The following DHX57 variants were observed in gnomAD, a reference collection of about 807,000 sequenced individuals.
DHX57 encodes DExH-box helicase 57.
In DHX57, 105 loss-of-function variants were observed where a neutral mutation model predicts 156.2. That is an observed-to-expected ratio of 0.67 (90% CI 0.57 to 0.79). The LOEUF (loss-of-function observed/expected upper bound fraction) is 0.79, where lower values mean the gene tolerates loss of function less well. DHX57 is among the 30% of genes least tolerant of loss of function. DHX57 has a pLI of 0.00. For missense variants in DHX57, 1,847 were observed against 1,661.9 expected (o/e 1.11, Z -1.94); for synonymous variants, 704 against 595.6 (o/e 1.18, Z -2.65).
chr2:38,854,743 G>T, intron 8 of DHX57: 1 of 229,924 alleles, frequency 4.3e-6, no homozygotes. Flanking sequence ...TGTATTTTTA[G>T]TAGAGATGGG....
At chr2:38,808,614 T>C (rs1157311943) in intron 21 of DHX57, among the ~76,000 whole-genome samples, 2 of 152,174 alleles carry the variant, frequency 1.3e-5, no homozygotes, top group African/African-American at 2.4e-5. Context: ...TATCTTTGTG[T>C]ATATATGCAA....
intron 1 of DHX57, among the ~76,000 whole-genome samples, chr2:38,872,137 T>C (rs1195266465): frequency 6.6e-6 from 1 of 152,202 alleles, no homozygotes; most frequent in Non-Finnish European, 1.5e-5. Context: ...GCATTGGAAA[T>C]TAAATGTCTA....
In DHX57 at chr2:38,809,297, A is replaced by AT. The variant is rs574489687; in HGVS notation, c.3682-2605dup. Among the ~76,000 whole-genome samples, 31 of 150,414 alleles carry AT rather than the reference A, an allele frequency of 2.1e-4. No individual in the cohort carries two copies. The East Asian group carries it at 5.3e-3, about 26-fold the overall frequency. On this transcript the variant is annotated intron_variant, in intron 21 of 23. Transcript: ENST00000457308. ...ACCGTGCCTGGCTAATTAAAAACAAATTTTTTTTGTAGAGACAAGTTCTCA... is the reference window on the plus strand; with the variant it reads ...ACCGTGCCTGGCTAATTAAAAACAAATTTTTTTTTGTAGAGACAAGTTCTCA...
intron 1 of DHX57, 144 bp from the exon 2 acceptor site, chr2:38,868,555 C>G: frequency 1.1e-6 from 1 of 886,032 alleles, no homozygotes; most frequent in Non-Finnish European, 1.7e-6. Context: ...GGGCAGGATT[C>G]TGAATCTGTT....
chr2:38,873,599 T>G (rs1449921850), intron 1 of DHX57, among the ~76,000 whole-genome samples: 2 of 152,258 alleles, frequency 1.3e-5, no homozygotes, highest in African/African-American at 4.8e-5. Context: ...AGTATCTATT[T>G]GTGGAATGAA....
At chr2:38,867,432 G>C (rs1432998859) in intron 2 of DHX57, among the ~76,000 whole-genome samples, 3 of 152,192 alleles carry the variant, frequency 2.0e-5, no homozygotes, top group African/African-American at 7.2e-5. Flanking sequence ...GAACAGGAGA[G>C]AAACCTAGAT....
At chr2:38,830,221 T>C (rs1220296514) in intron 13 of DHX57, among the ~76,000 whole-genome samples, 6 of 152,222 alleles carry the variant, frequency 3.9e-5, no homozygotes, top group Admixed American at 3.3e-4. Flanking sequence ...ACCACAAAAC[T>C]GGAACTCTGA....
At chr2:38,808,153 C>T (rs182431516) in intron 21 of DHX57, among the ~76,000 whole-genome samples, 3,264 of 150,252 alleles carry the variant, frequency 0.022, 43 homozygotes, top group Middle Eastern at 0.035. Context: ...CAGGGTTTCA[C>T]CATGTTGGTC....
At chr2:38,839,590 G>A (rs1558383587) in intron 12 of DHX57, among the ~76,000 whole-genome samples, 1 of 151,606 alleles carries the variant, frequency 6.6e-6, no homozygotes, top group African/African-American at 2.4e-5. Flanking sequence ...GCATGGTGGT[G>A]GGTGCCTGTA....
chr2:38,847,855 G>A lies in DHX57; in HGVS notation c.2164+414C>T, dbSNP rs1341958407. Among the ~76,000 whole-genome samples the A allele has an allele frequency of 2.4e-4, 37 of 151,948 alleles. 1 individual carries two copies. Among genetic ancestry groups the A allele is most frequent in the Admixed American group, 2.2e-3 (34 of 15,248 alleles). On this transcript the variant is annotated intron_variant, in intron 10 of 23. Coordinates refer to ENST00000457308, the MANE Select transcript of DHX57 (RefSeq NM_198963.3). ...TCCCAGCACTTTGGGAGGCCGAGGC[G>A]GGCAGATCGTGAGGTCAGGAGATGG...
At chr2:38,837,560 A>G (rs1327534544) in intron 13 of DHX57, among the ~76,000 whole-genome samples, 2 of 134,560 alleles carry the variant, frequency 1.5e-5, no homozygotes, top group East Asian at 5.3e-4. Flanking sequence ...GCAGTAAGCT[A>G]AGGTCACGCC....
intron 23 of DHX57, among the ~76,000 whole-genome samples, chr2:38,800,789 C>T (rs1338217347): frequency 2.0e-5 from 3 of 152,172 alleles, no homozygotes; most frequent in Admixed American, 6.6e-5. Flanking sequence ...ATCAAACCAA[C>T]GTTGCCTGGC....
Position 38,862,343 on chromosome 2 carries a change from G to A in DHX57, c.384-10C>T, listed in dbSNP as rs1256401080. 4.5e-6 allele frequency: 7 copies of A among 1,546,858 alleles called. No homozygotes were observed. The East Asian group carries it at 1.1e-4, about 25-fold the overall frequency. On this transcript the variant is annotated splice_polypyrimidine_tract_variant and intron_variant, in intron 3 of 23. Coordinates refer to ENST00000457308, the MANE Select transcript of DHX57 (RefSeq NM_198963.3). ...CCCAGAAAGGCCTCTTCTAGCAAAG[G>A]CAACATTTTCATATATTAGATATTA...
At chr2:38,821,305 G>C (rs1374563828) in intron 17 of DHX57, among the ~76,000 whole-genome samples, 1 of 151,906 alleles carries the variant, frequency 6.6e-6, no homozygotes, top group African/African-American at 2.4e-5. Context: ...TAAGACACTA[G>C]AAAAAGAAGA....
chr2:38,803,507 G>C (rs1669796328), intron 22 of DHX57, among the ~76,000 whole-genome samples: 1 of 147,548 alleles, frequency 6.8e-6, no homozygotes, highest in African/African-American at 2.5e-5. Context: ...TTTTTTTTGA[G>C]ACAGAGTTTT....
intron 22 of DHX57, 155 bp from the exon 23 acceptor site, chr2:38,803,070 T>C (rs1377832142): frequency 1.5e-6 from 1 of 675,994 alleles, no homozygotes; most frequent in Non-Finnish European, 2.5e-6. Flanking sequence ...GCAGTATAAC[T>C]ATTGACTTGC....
intron 17 of DHX57, 45 bp from the exon 18 acceptor site, chr2:38,819,189 TTC>T: frequency 6.3e-7 from 1 of 1,587,364 alleles, no homozygotes; most frequent in Non-Finnish European, 8.6e-7. Flanking sequence ...CTTTTTTTTT[TTC>T]AAAGACAGGG....
intron 8 of DHX57, 130 bp downstream of exon 8, chr2:38,854,927 G>T (rs926904872): frequency 1.2e-6 from 1 of 854,646 alleles, no homozygotes; most frequent in Non-Finnish European, 1.9e-6. Flanking sequence ...ATTACCAAAG[G>T]TAATCATTAA....
At position 38,825,912 on chromosome 2, in the gene DHX57, AT is replaced by A; in HGVS notation, c.2948del (p.Asn983IlefsTer5). 6.2e-7 allele frequency: 1 copy of A among 1,614,176 alleles called. No individual in the cohort carries two copies. Among genetic ancestry groups the A allele is most frequent in the Non-Finnish European group, 8.5e-7 (1 of 1,180,030 alleles). On this transcript the variant is annotated frameshift_variant, in exon 16 of 24. Transcript: ENST00000457308. LOFTEE classifies it high-confidence loss of function. ...GTAGCTGTTGTTTTAAAAGCTGGTG[AT>A]TGTAGTGATGGCTAGTGAATAAATG... ...CFHLFTSHHY[N>X]HQLLKQQLPE...
Sources: allele counts gnomAD v4.1 joint callset (sites outside exome capture counted in the v4.1 genomes callset), GRCh38; gene constraint gnomAD v4.1.1; transcripts MANE v1.5; gene names NCBI Gene and HGNC (gene_info 2026-07-23, HGNC 2026-07-21).